Variants in OVCH1 observed in about 807,000 individuals in gnomAD.
The protein encoded by OVCH1 is ovochymase-1.
A neutral mutation model predicts 138.4 loss-of-function variants in OVCH1; 139 were observed. The ratio of observed to expected loss-of-function variants is 1.00; its 90% CI spans 0.87 to 1.16. The LOEUF (loss-of-function observed/expected upper bound fraction) is 1.16, where lower values mean the gene tolerates loss of function less well. OVCH1 is among the 50% of genes most tolerant of loss of function. The pLI is 0.00. For missense variants in OVCH1, 1,367 were observed against 1,357.9 expected (o/e 1.01, Z -0.11); for synonymous variants, 453 against 467.8 (o/e 0.97, Z 0.41).
At chr12:29,469,741 G>T (rs1214295905) in intron 16 of OVCH1, among the ~76,000 whole-genome samples, 1 of 151,954 alleles carries the variant, frequency 6.6e-6, no homozygotes, top group African/African-American at 2.4e-5. Context: ...GGGCATGGTG[G>T]CATGTATCTG....
chr12:29,435,588 C>CCGTG (rs1941344147), intron 26 of OVCH1, among the ~76,000 whole-genome samples: 1 of 151,934 alleles, frequency 6.6e-6, no homozygotes, highest in Non-Finnish European at 1.5e-5. Flanking sequence ...TCTCCTGACC[C>CCGTG]CGTGATCCGC....
In OVCH1 at chr12:29,496,726, C is replaced by G. The variant is rs560689062; in HGVS notation, c.65-52G>C. 1.0e-5 allele frequency: 14 copies of G among 1,362,296 alleles called. No individual in the cohort carries two copies. The Admixed American group carries it at 2.9e-4, about 28-fold the overall frequency. The allele number at this position is 1,362,296 out of a possible 1,614,324, so 84.4% of individuals were successfully genotyped here. ...ACACACAGAGCCTTATGTAAGAGTT[C>G]ACTTTACCAAGATTTCCCATTTGGA... On this transcript the variant is annotated intron_variant, in intron 1 of 27. Transcript: ENST00000318184.
chr12:29,491,811 G>GA (rs1238370651), intron 4 of OVCH1, among the ~76,000 whole-genome samples: 1 of 152,018 alleles, frequency 6.6e-6, no homozygotes, highest in Admixed American at 6.6e-5. Flanking sequence ...AATCTAGAAG[G>GA]AAAAAAACAT....
At chr12:29,415,326 C>G (rs367857871) in intron 3 of OVCH1, among the ~76,000 whole-genome samples, 16 of 152,254 alleles carry the variant, frequency 1.1e-4, no homozygotes, top group African/African-American at 3.6e-4. Flanking sequence ...CAGGCATACA[C>G]CCAAGGATTG....
At chr12:29,418,674 G>A (rs779463959) in intron 3 of OVCH1, among the ~76,000 whole-genome samples, 1 of 152,106 alleles carries the variant, frequency 6.6e-6, no homozygotes, top group Non-Finnish European at 1.5e-5. Flanking sequence ...AAAAGCCAAG[G>A]TGAGTATAGA....
intron 4 of OVCH1, among the ~76,000 whole-genome samples, chr12:29,491,420 C>T (rs975221567): frequency 6.6e-5 from 10 of 152,178 alleles, no homozygotes; most frequent in African/African-American, 2.4e-4. Context: ...TTGTTCCGCA[C>T]ACCACGAGCC....
intron 8 of OVCH1, among the ~76,000 whole-genome samples, chr12:29,484,207 T>C (rs77505368): frequency 1.3e-5 from 2 of 152,144 alleles, no homozygotes; most frequent in African/African-American, 4.8e-5. Context: ...ATTCGTAAAA[T>C]GAGACTGAAG....
the OVCH1 span, among the ~76,000 whole-genome samples, chr12:29,406,562 T>G: frequency 2.6e-5 from 4 of 151,978 alleles, no homozygotes; most frequent in Admixed American, 6.6e-5. Flanking sequence ...GGTGTTTGGT[T>G]TTTTGTTCTT....
At chr12:29,418,883 T>C (rs1430098763) in intron 3 of OVCH1, among the ~76,000 whole-genome samples, 1 of 152,218 alleles carries the variant, frequency 6.6e-6, no homozygotes, top group Non-Finnish European at 1.5e-5. Flanking sequence ...ATTAGAGATA[T>C]GGTATTGCAC....
At chr12:29,482,951 C>G (rs879453059) in intron 8 of OVCH1, among the ~76,000 whole-genome samples, 2 of 152,186 alleles carry the variant, frequency 1.3e-5, no homozygotes, top group African/African-American at 4.8e-5. Context: ...AGAAATCATT[C>G]AAACAAGAAA....
intron 19 of OVCH1, among the ~76,000 whole-genome samples, chr12:29,455,829 T>TC (rs908201072): frequency 9.2e-5 from 14 of 152,170 alleles, no homozygotes; most frequent in African/African-American, 3.1e-4. Context: ...CCTGTTTTTT[T>TC]CTTTTTTTAA....
intron 19 of OVCH1, among the ~76,000 whole-genome samples, chr12:29,457,529 G>T (rs11611830): frequency 2.7e-5 from 4 of 149,476 alleles, no homozygotes; most frequent in Non-Finnish European, 5.9e-5. Context: ...TTAGCCTCCC[G>T]AGTAGCTGGG....
chr12:29,490,072 T>C (rs894762630), intron 5 of OVCH1, among the ~76,000 whole-genome samples: 8 of 152,220 alleles, frequency 5.3e-5, no homozygotes, highest in South Asian at 2.1e-4. Context: ...TTTATAAAAA[T>C]GATTTTTTTA....
At chr12:29,489,518 T>G in intron 6 of OVCH1, 102 bp downstream of exon 6, 1 of 1,297,314 alleles carries the variant, frequency 7.7e-7, no homozygotes, top group Non-Finnish European at 1.0e-6. Context: ...AAAAAGAATT[T>G]TGACACAGTA....
chr12:29,421,306 C>T (rs1411767728), intron 3 of OVCH1, among the ~76,000 whole-genome samples: 3 of 152,128 alleles, frequency 2.0e-5, no homozygotes, highest in African/African-American at 4.8e-5. Context: ...CTATTGTTAT[C>T]CCTTAGAAAA....
intron 19 of OVCH1, 72 bp from the exon 20 acceptor site, chr12:29,455,477 A>C: frequency 2.7e-6 from 4 of 1,457,668 alleles, no homozygotes; most frequent in Non-Finnish European, 3.7e-6. Context: ...TTTTAGAACA[A>C]GAATGACCAA....
intron 27 of OVCH1, chr12:29,427,765 T>G: frequency 7.4e-7 from 1 of 1,348,848 alleles, no homozygotes; most frequent in Non-Finnish European, 9.8e-7. Context: ...AACAGGGGTC[T>G]ATATTCATTA....
chr12:29,414,014 CTCTCTCTTTTTTT>C (rs1280833650), intron 3 of OVCH1, among the ~76,000 whole-genome samples: 1,176 of 79,030 alleles, frequency 0.015, 5 homozygotes, highest in Non-Finnish European at 0.026. Flanking sequence ...TCTCCTCTCT[CTCTCTCTTTTTTT>C]TTTTTTTTTT....
chr12:29,419,464 T>C (rs1315294196), intron 3 of OVCH1, among the ~76,000 whole-genome samples: 2 of 151,740 alleles, frequency 1.3e-5, no homozygotes, highest in African/African-American at 4.8e-5. Context: ...ATTTTTTTTT[T>C]TTTTAATTTT....
Sources: gnomAD v4.1 joint callset for allele counts (sites outside exome capture counted in the v4.1 genomes callset) on GRCh38, gnomAD v4.1.1 for gene constraint, MANE v1.5 for transcripts, NCBI Gene and HGNC (gene_info 2026-07-23, HGNC 2026-07-21) for gene names.